The following KAZN variants were observed in gnomAD, a reference collection of about 807,000 sequenced individuals.
KAZN encodes the protein kazrin.
In KAZN, 40 loss-of-function variants were observed where a neutral mutation model predicts 87.4. The ratio of observed to expected loss-of-function variants is 0.46; its 90% CI spans 0.36 to 0.60. The LOEUF (loss-of-function observed/expected upper bound fraction) is 0.60. Among genes scored for constraint, KAZN ranks in the 20% least tolerant of loss-of-function variants. KAZN has a pLI of 0.00. For missense variants in KAZN, 898 were observed against 1,073.9 expected (o/e 0.84, Z 2.29); for synonymous variants, 466 against 458.3 (o/e 1.02, Z -0.22).
At chr1:14,332,618 A>G (rs1656931027) in intron 2 of KAZN, among the ~76,000 whole-genome samples, 1 of 152,140 alleles carries the variant, frequency 6.6e-6, no homozygotes, top group Non-Finnish European at 1.5e-5. Flanking sequence ...TATGTTCAGT[A>G]GTAGCACCTT....
chr1:15,059,539 C>T (rs533731506), intron 5 of KAZN, among the ~76,000 whole-genome samples: 2 of 151,788 alleles, frequency 1.3e-5, no homozygotes, highest in East Asian at 1.9e-4. Flanking sequence ...GGAGTCAGCG[C>T]GACCCACCGG....
intron 10 of KAZN, among the ~76,000 whole-genome samples, chr1:15,097,712 G>T (rs989367368): frequency 1.3e-5 from 2 of 152,152 alleles, no homozygotes; most frequent in African/African-American, 2.4e-5. Context: ...CAGCTACTCA[G>T]GAGGCTGAGG....
rs143615242 is a variant in KAZN at position 14,139,061 on chromosome 1, T to C, written c.92-41374T>C. Among the ~76,000 whole-genome samples the C allele has an allele frequency of 3.9e-3, 592 of 152,320 alleles. 2 individuals carry two copies. The highest frequency in any genetic ancestry group is 0.013 in the African/African-American group (557 of 41,560). On this transcript the variant is annotated intron_variant, in intron 1 of 16. Coordinates refer to the KAZN transcript ENST00000636203. ...TTCATTCTTTCATTCTTCATAGTAG[T>C]TGCCCATAGAGAGCACATTCGAGAA...
At chr1:14,105,716 C>G (rs1220862557) in intron 1 of KAZN, among the ~76,000 whole-genome samples, 17 of 152,202 alleles carry the variant, frequency 1.1e-4, no homozygotes, top group Admixed American at 1.1e-3. Context: ...AGTTCCATGA[C>G]CTAGTGCCTC....
chr1:15,068,676 A>AC (rs1483255282), intron 8 of KAZN, among the ~76,000 whole-genome samples: 3 of 151,206 alleles, frequency 2.0e-5, no homozygotes, highest in Non-Finnish European at 4.4e-5. Flanking sequence ...CCCCAAGAGA[A>AC]CCCCCCAGAT....
chr1:14,776,886 T>C (rs1645188300), intron 1 of KAZN, among the ~76,000 whole-genome samples: 1 of 142,724 alleles, frequency 7.0e-6, no homozygotes. Flanking sequence ...CAGTGAGCTA[T>C]GAGGGCCACT....
chr1:15,072,460 A>G (rs1639547438), intron 8 of KAZN, among the ~76,000 whole-genome samples: 1 of 152,166 alleles, frequency 6.6e-6, no homozygotes, highest in Admixed American at 6.5e-5. Flanking sequence ...TTGCCCCTAG[A>G]ATCCACCAGC....
At chr1:14,408,192 GATTTTCTGAAT>G (rs1202653586) in intron 2 of KAZN, among the ~76,000 whole-genome samples, 1 of 152,232 alleles carries the variant, frequency 6.6e-6, no homozygotes, top group Non-Finnish European at 1.5e-5. Context: ...CTGGGGTCTG[GATTTTCTGAAT>G]ATTAGAGTTT....
At chr1:14,848,874 G>A (rs980655249) in intron 1 of KAZN, among the ~76,000 whole-genome samples, 6 of 152,164 alleles carry the variant, frequency 3.9e-5, no homozygotes, top group Admixed American at 6.5e-5. Context: ...TCCTGGGAGC[G>A]CCTTGGAAAC....
At chr1:14,181,980 T>G (rs1161844954) in intron 2 of KAZN, among the ~76,000 whole-genome samples, 1 of 152,148 alleles carries the variant, frequency 6.6e-6, no homozygotes, top group Admixed American at 6.5e-5. Flanking sequence ...ACATCCGAGC[T>G]TACTAGTGCC....
At position 14,040,090 on chromosome 1, in the gene KAZN, T is replaced by TGA. The variant is rs1553119411; in HGVS notation, c.92-140332_92-140331dup. On this transcript the variant is annotated intron_variant, in intron 1 of 16. Coordinates refer to the KAZN transcript ENST00000636203. Reference sequence around the variant, plus strand: ...GTGTGTGTGTGTGCACGTGTGTGTGTGAGAGAGAGAGAGACAGAGAGAGAG... The same window carrying TGA: ...GTGTGTGTGTGTGCACGTGTGTGTGTGAGAGAGAGAGAGAGACAGAGAGAGAG... 1.3e-4 allele frequency among the ~76,000 whole-genome samples: 14 copies of TGA among 110,228 alleles called. No individual in the cohort carries two copies. In the South Asian group the frequency reaches 2.0e-3, roughly 16 times the overall value. The allele number at this position is 110,228 out of a possible 152,430, so 72.3% of individuals were successfully genotyped here. A position where few individuals can be genotyped will look rare whatever the true frequency, so the allele number is the denominator to read the frequency against.
intron 2 of KAZN, among the ~76,000 whole-genome samples, chr1:14,998,150 G>A (rs1300484734): frequency 6.6e-6 from 1 of 152,042 alleles, no homozygotes; most frequent in South Asian, 2.1e-4. Context: ...CACAGACGGC[G>A]GGGGGGAGGG....
In KAZN at chr1:14,092,386, C is replaced by T. The variant is rs563203522; in HGVS notation, c.92-88049C>T. Among the ~76,000 whole-genome samples, 646 of 150,220 alleles carry T rather than the reference C, an allele frequency of 4.3e-3. 9 individuals carry two copies. The highest frequency in any genetic ancestry group is 0.015 in the African/African-American group (626 of 41,190). On this transcript the variant is annotated intron_variant, in intron 1 of 16. Coordinates refer to the KAZN transcript ENST00000636203. ...GATTATAGGCGTGAGCCACCGTGCCCGGCCTATTATTTTCTTAACAATAAG... is the reference window on the plus strand; with the variant it reads ...GATTATAGGCGTGAGCCACCGTGCCTGGCCTATTATTTTCTTAACAATAAG...
chr1:14,315,187 T>C (rs1444862637), intron 2 of KAZN, among the ~76,000 whole-genome samples: 1 of 152,138 alleles, frequency 6.6e-6, no homozygotes, highest in African/African-American at 2.4e-5. Context: ...CCTTGTTCTT[T>C]ATCTGTCTCC....
intron 1 of KAZN, among the ~76,000 whole-genome samples, chr1:14,748,499 C>T (rs1030144589): frequency 7.9e-5 from 12 of 152,204 alleles, no homozygotes; most frequent in Middle Eastern, 3.4e-3. Context: ...TTTGTGCCTC[C>T]GTCGTCTCAT....
At chr1:14,934,437 C>A (rs1660214044) in intron 1 of KAZN, among the ~76,000 whole-genome samples, 4 of 151,972 alleles carry the variant, frequency 2.6e-5, no homozygotes, top group Admixed American at 2.6e-4. Flanking sequence ...GAACTCCTGA[C>A]CTTGTGATCC....
chr1:14,457,523 C>T (rs549376649), intron 2 of KAZN, among the ~76,000 whole-genome samples: 14 of 152,236 alleles, frequency 9.2e-5, no homozygotes, highest in African/African-American at 2.4e-4. Context: ...AATTCATGCA[C>T]GTGGCCCTTT....
At chr1:14,862,220 G>C (rs915077966) in intron 1 of KAZN, among the ~76,000 whole-genome samples, 4 of 152,172 alleles carry the variant, frequency 2.6e-5, no homozygotes, top group Admixed American at 1.3e-4. Flanking sequence ...CTTGACAACG[G>C]CCATAACAAA....
At chr1:13,909,781 G>A (rs771584721) in intron 1 of KAZN, among the ~76,000 whole-genome samples, 71 of 152,322 alleles carry the variant, frequency 4.7e-4, no homozygotes, top group Middle Eastern at 3.4e-3. Context: ...GAAAGATTTG[G>A]TCTGAGTTGA....
Sources: gnomAD v4.1 joint callset for allele counts (sites outside exome capture counted in the v4.1 genomes callset) on GRCh38, gnomAD v4.1.1 for gene constraint, MANE v1.5 for transcripts, NCBI Gene and HGNC (gene_info 2026-07-23, HGNC 2026-07-21) for gene names.